FHIT: variants seen among roughly 807,000 people sequenced by gnomAD.
FHIT encodes fragile histidine triad diadenosine triphosphatase, also known as bis(5'-adenosyl)-triphosphatase.
In FHIT, 19 loss-of-function variants were observed where a neutral mutation model predicts 17.9. The observed-to-expected ratio is 1.06, with a 90% CI of 0.74 to 1.56. The LOEUF (loss-of-function observed/expected upper bound fraction) is 1.56. Among genes scored for constraint, FHIT ranks in the 40% most tolerant of loss-of-function variants. The probability of loss-of-function intolerance (pLI) is 0.00; values close to 1 mark genes in which losing one functional copy is unlikely to be tolerated. For missense variants in FHIT, 248 were observed against 189.2 expected, an observed-to-expected ratio of 1.31 and a Z score of -1.82; for synonymous variants, 81 against 69.7, an observed-to-expected ratio of 1.16 and a Z score of -0.81.
chr3:59,824,682 G>T (rs1700914335), intron 8 of FHIT, among the ~76,000 whole-genome samples: 1 of 152,166 alleles, frequency 6.6e-6, no homozygotes, highest in African/African-American at 2.4e-5. Flanking sequence ...CTTGCTAAAG[G>T]GAGAAGTGAG....
intron 4 of FHIT, among the ~76,000 whole-genome samples, chr3:60,771,727 A>C (rs1026699033): frequency 3.3e-5 from 5 of 152,222 alleles, no homozygotes; most frequent in Non-Finnish European, 5.9e-5. Flanking sequence ...CAATTCCCAT[A>C]GAATCCCACT....
At chr3:60,852,519 A>G (rs556923662) in intron 3 of FHIT, among the ~76,000 whole-genome samples, 2 of 152,274 alleles carry the variant, frequency 1.3e-5, no homozygotes, top group Non-Finnish European at 2.9e-5. Context: ...AACTTTCTTC[A>G]TCAGTCTGGC....
chr3:60,456,160 T>C (rs1287459563), intron 5 of FHIT, among the ~76,000 whole-genome samples: 1 of 152,210 alleles, frequency 6.6e-6, no homozygotes, highest in East Asian at 1.9e-4. Flanking sequence ...ACAGATGGGT[T>C]TGTACACACA....
Position 60,009,163 on chromosome 3 carries a change from T to TTGTG in FHIT, c.279+2207_279+2208insCACA, listed in dbSNP as rs781608497. Among the ~76,000 whole-genome samples the TTGTG allele has an allele frequency of 2.1e-3, 265 of 128,868 alleles. 17 individuals are homozygous for TTGTG. Among genetic ancestry groups the TTGTG allele is most frequent in the East Asian group, 9.7e-3 (38 of 3,908 alleles). 84.5% of individuals were successfully genotyped at this position (128,868 alleles called of 152,430 possible). A position where few individuals can be genotyped will look rare whatever the true frequency, so the allele number is the denominator to read the frequency against. On this transcript the variant is annotated intron_variant, in intron 7 of 9. Transcript: ENST00000492590. ...GGAACCTTCATTGTTCTCTGGGATT[T>TTGTG]TATGTGTGTGTGTGTGTGTGTGTGT...
chr3:60,352,375 G>C (rs919242890), intron 5 of FHIT, among the ~76,000 whole-genome samples: 1 of 152,192 alleles, frequency 6.6e-6, no homozygotes, highest in East Asian at 1.9e-4. Flanking sequence ...TGTTAAAATT[G>C]AAAGAAATAT....
At chr3:60,150,648 T>A (rs1700426211) in intron 5 of FHIT, among the ~76,000 whole-genome samples, 1 of 152,224 alleles carries the variant, frequency 6.6e-6, no homozygotes. Flanking sequence ...CTGGGTGCAG[T>A]CGCTCACACC....
intron 5 of FHIT, among the ~76,000 whole-genome samples, chr3:60,123,963 T>TAAAA (rs202075382): frequency 2.4e-4 from 13 of 53,542 alleles, no homozygotes; most frequent in African/African-American, 1.0e-3. Context: ...AGAAATGCAC[T>TAAAA]AAAAATATAT....
Position 60,421,230 on chromosome 3 carries a change from C to T in FHIT, c.103+115630G>A, listed in dbSNP as rs190269576. Among the ~76,000 whole-genome samples the T allele has an allele frequency of 5.9e-3, 898 of 152,124 alleles. 14 individuals are homozygous for T. The highest frequency in any genetic ancestry group is 0.02 in the Middle Eastern group (6 of 294). On this transcript the variant is annotated intron_variant, in intron 5 of 9. Transcript: ENST00000492590. Reference sequence around the variant, plus strand: ...TGCTTTAACTCCACATTCTGTTTTGCTCCACTTCAACTGTTTAGCTGCCAG... The same window carrying T: ...TGCTTTAACTCCACATTCTGTTTTGTTCCACTTCAACTGTTTAGCTGCCAG...
At chr3:60,545,364 T>C (rs2036326377) in intron 4 of FHIT, among the ~76,000 whole-genome samples, 1 of 152,218 alleles carries the variant, frequency 6.6e-6, no homozygotes, top group Non-Finnish European at 1.5e-5. Context: ...ACCACATTTG[T>C]ATTTATTTCC....
At chr3:61,035,592 G>T (rs1389186698) in intron 3 of FHIT, among the ~76,000 whole-genome samples, 4 of 152,122 alleles carry the variant, frequency 2.6e-5, no homozygotes, top group African/African-American at 4.8e-5. Context: ...TTCTAGGTCT[G>T]CATCTAATTA....
At chr3:59,923,305 T>C (rs895294351) in intron 7 of FHIT, among the ~76,000 whole-genome samples, 3 of 148,866 alleles carry the variant, frequency 2.0e-5, no homozygotes, top group Admixed American at 6.7e-5. Flanking sequence ...AAGATATCAA[T>C]GTTCGGTGAG....
At chr3:60,290,956 A>C (rs1707956433) in intron 5 of FHIT, among the ~76,000 whole-genome samples, 1 of 152,114 alleles carries the variant, frequency 6.6e-6, no homozygotes, top group African/African-American at 2.4e-5. Context: ...TGGACTGAGA[A>C]AATCACTTCC....
At chr3:60,605,095 C>T (rs1173889691) in intron 4 of FHIT, among the ~76,000 whole-genome samples, 2 of 151,894 alleles carry the variant, frequency 1.3e-5, no homozygotes, top group Non-Finnish European at 2.9e-5. Flanking sequence ...GGATTCTATA[C>T]TCAAACACAC....
At chr3:60,637,448 A>C (rs1553684210) in intron 4 of FHIT, among the ~76,000 whole-genome samples, 2 of 152,314 alleles carry the variant, frequency 1.3e-5, no homozygotes, top group East Asian at 1.9e-4. Context: ...TATTTAAAAA[A>C]TAACTACTAT....
intron 3 of FHIT, among the ~76,000 whole-genome samples, chr3:60,850,366 T>A (rs1476927138): frequency 2.1e-5 from 3 of 142,232 alleles, no homozygotes; most frequent in African/African-American, 7.9e-5. Context: ...TCTCTCTCTC[T>A]CATGCTCTGC....
intron 4 of FHIT, among the ~76,000 whole-genome samples, chr3:60,675,595 C>T (rs1735441): frequency 1.1e-3 from 173 of 152,200 alleles, no homozygotes; most frequent in Non-Finnish European, 2.2e-3. Flanking sequence ...ACAACCAGCC[C>T]TTCCTTGGTG....
chr3:60,624,903 T>TTTG (rs1553680344), intron 4 of FHIT, among the ~76,000 whole-genome samples: 44,056 of 149,938 alleles, frequency 0.29, 7,133 homozygotes, highest in East Asian at 0.65. Context: ...TAGTTTTTTT[T>TTTG]TTTGTTTGTT....
intron 8 of FHIT, among the ~76,000 whole-genome samples, chr3:59,852,025 T>A (rs1270734961): frequency 6.6e-6 from 1 of 152,198 alleles, no homozygotes; most frequent in Non-Finnish European, 1.5e-5. Flanking sequence ...TCGGGGGATA[T>A]TAGTTCTTCC....
chr3:61,105,005 T>C (rs892222504), intron 2 of FHIT, among the ~76,000 whole-genome samples: 6 of 152,208 alleles, frequency 3.9e-5, no homozygotes, highest in Non-Finnish European at 5.9e-5. Context: ...TGTATTGAGT[T>C]TCAATGTACT....
Sources: allele counts gnomAD v4.1 joint callset (sites outside exome capture counted in the v4.1 genomes callset), GRCh38; gene constraint gnomAD v4.1.1; transcripts MANE v1.5; gene names NCBI Gene and HGNC (gene_info 2026-07-23, HGNC 2026-07-21).